The following ADGRL3 variants were observed in gnomAD, a reference collection of about 807,000 sequenced individuals.
ADGRL3 encodes calcium-independent alpha-latrotoxin receptor 3.
A neutral mutation model predicts 153.5 loss-of-function variants in ADGRL3; 62 were observed. The ratio of observed to expected loss-of-function variants is 0.40; its 90% confidence interval spans 0.33 to 0.50. The LOEUF (loss-of-function observed/expected upper bound fraction) is 0.50. ADGRL3 is among the 20% of genes least tolerant of loss of function. The pLI is 0.47. For missense variants in ADGRL3, 1,641 were observed against 1,859.4 expected (o/e 0.88, Z 2.16); for synonymous variants, 710 against 672.5 (o/e 1.06, Z -0.86).
chr4:61,231,092 A>G (rs1301895958), intron 1 of ADGRL3, among the ~76,000 whole-genome samples: 2 of 152,210 alleles, frequency 1.3e-5, no homozygotes, highest in African/African-American at 4.8e-5. Context: ...CTGAGGCGGA[A>G]GTCCAGTTTT....
At chr4:61,205,288 G>A (rs1240020122) in intron 1 of ADGRL3, among the ~76,000 whole-genome samples, 1 of 152,192 alleles carries the variant, frequency 6.6e-6, no homozygotes, top group Non-Finnish European at 1.5e-5. Context: ...ACTGTTAGAA[G>A]TGGGGAGTTT....
chr4:61,863,563 C>T (rs945603327), intron 9 of ADGRL3, among the ~76,000 whole-genome samples: 1 of 152,136 alleles, frequency 6.6e-6, no homozygotes, highest in Non-Finnish European at 1.5e-5. Flanking sequence ...TCACTCATTC[C>T]ATTCCACCTC....
At chr4:61,885,417 C>T (rs976822460) in intron 9 of ADGRL3, among the ~76,000 whole-genome samples, 1 of 152,110 alleles carries the variant, frequency 6.6e-6, no homozygotes, top group Non-Finnish European at 1.5e-5. Context: ...GAATTTGTAA[C>T]CTTTGGAGAA....
intron 2 of ADGRL3, among the ~76,000 whole-genome samples, chr4:61,423,540 G>A (rs1185497127): frequency 2.6e-5 from 4 of 152,210 alleles, no homozygotes; most frequent in Non-Finnish European, 4.4e-5. Context: ...GGTATAGGGA[G>A]AATCCATGAA....
rs939964108 is a variant in ADGRL3, at chr4:61,936,813, C to CACACACACAG, written c.2419+769_2419+770insCACACACAGA. Reference sequence around the variant, plus strand: ...ACACACACACACACACACACACACACAGAGATATATTTCTCTTTTGCCAAG... The same window carrying CACACACACAG: ...ACACACACACACACACACACACACACACACACACAGAGAGATATATTTCTCTTTTGCCAAG... On this transcript the variant is annotated intron_variant, in intron 15 of 26. Coordinates refer to ENST00000683033, the MANE Select transcript of ADGRL3 (RefSeq NM_001387552.1). Among the ~76,000 whole-genome samples, 26 of 150,860 alleles carry CACACACACAG rather than the reference C, an allele frequency of 1.7e-4. 1 individual carries two copies. In the East Asian group the frequency reaches 4.3e-3, roughly 25 times the overall value.
At chr4:61,788,766 G>A (rs1193465995) in intron 8 of ADGRL3, among the ~76,000 whole-genome samples, 1 of 152,166 alleles carries the variant, frequency 6.6e-6, no homozygotes, top group Admixed American at 6.6e-5. Context: ...AATGTAGACT[G>A]AGAGTGTATT....
Position 61,296,666 on chromosome 4 carries a change from G to A in ADGRL3, c.-239-86458G>A, listed in dbSNP as rs117674186. On this transcript the variant is annotated intron_variant, in intron 1 of 26. Coordinates refer to ENST00000683033, the MANE Select transcript of ADGRL3 (RefSeq NM_001387552.1). ...ACAGTGTTGTCAGAAAATGTAAATA[G>A]CAAAAGGCTTTACCTGAAACTTCAT... Among the ~76,000 whole-genome samples the A allele has an allele frequency of 2.6e-4, 40 of 152,154 alleles. No individual in the cohort carries two copies. In the East Asian group the frequency reaches 7.7e-3, roughly 29 times the overall value.
Position 61,497,151 on chromosome 4 carries a change from T to C in ADGRL3, c.-143T>C. ...AGATTTGGGATATTGGTGTTTCTGT[T>C]TTGGAGAAATTATTCTTTTTCTTTT... On this transcript the variant is annotated 5_prime_UTR_variant, in exon 3 of 27. Coordinates refer to ENST00000683033, the MANE Select transcript of ADGRL3 (RefSeq NM_001387552.1). 6.6e-6 allele frequency: 4 copies of C among 608,346 alleles called. No homozygotes were observed. The South Asian group carries it at 8.0e-5, about 12-fold the overall frequency. The allele number at this position is 608,346 out of a possible 1,614,324, so 37.7% of individuals were successfully genotyped here.
intron 1 of ADGRL3, among the ~76,000 whole-genome samples, chr4:61,369,394 GAT>G (rs1176168364): frequency 1.3e-5 from 2 of 152,106 alleles, no homozygotes; most frequent in Non-Finnish European, 2.9e-5. Context: ...ATTATTTTGA[GAT>G]ATGTCCCATC....
chr4:61,458,525 C>A (rs2097777665), intron 2 of ADGRL3, among the ~76,000 whole-genome samples: 1 of 151,158 alleles, frequency 6.6e-6, no homozygotes, highest in South Asian at 2.1e-4. Context: ...ATTCTTGGTT[C>A]CCATGATTTG....
chr4:61,701,724 G>T (rs1044267224), intron 6 of ADGRL3, among the ~76,000 whole-genome samples: 2 of 151,908 alleles, frequency 1.3e-5, no homozygotes, highest in South Asian at 2.1e-4. Flanking sequence ...GACATGAGCC[G>T]CTGCGCAGAA....
intron 6 of ADGRL3, among the ~76,000 whole-genome samples, chr4:61,688,214 A>G (rs1302174235): frequency 6.6e-6 from 1 of 152,158 alleles, no homozygotes; most frequent in Non-Finnish European, 1.5e-5. Flanking sequence ...TGGAGAAAAA[A>G]TAAGTGGCTG....
intron 1 of ADGRL3, among the ~76,000 whole-genome samples, chr4:61,228,195 A>C (rs550874316): frequency 6.6e-6 from 1 of 152,236 alleles, no homozygotes; most frequent in East Asian, 1.9e-4. Flanking sequence ...TTTAAAAAGT[A>C]ATGACAGAAT....
At chr4:61,441,272 C>T (rs1391892236) in intron 2 of ADGRL3, among the ~76,000 whole-genome samples, 1 of 152,052 alleles carries the variant, frequency 6.6e-6, no homozygotes. Context: ...ATATCATTTT[C>T]CCCTTAATTA....
intron 9 of ADGRL3, among the ~76,000 whole-genome samples, chr4:61,815,257 A>G (rs2097675356): frequency 6.6e-6 from 1 of 152,218 alleles, no homozygotes; most frequent in Non-Finnish European, 1.5e-5. Flanking sequence ...GCAGATTGTG[A>G]TGGATTCTGT....
intron 6 of ADGRL3, among the ~76,000 whole-genome samples, chr4:61,728,750 A>G (rs2096390386): frequency 1.3e-5 from 2 of 152,208 alleles, no homozygotes; most frequent in Non-Finnish European, 2.9e-5. Flanking sequence ...GACAAATGTC[A>G]ACTTTCATAT....
At chr4:61,614,461 A>AGCAATCACATCT (rs1350609669) in intron 5 of ADGRL3, among the ~76,000 whole-genome samples, 4 of 152,162 alleles carry the variant, frequency 2.6e-5, no homozygotes, top group Non-Finnish European at 5.9e-5. Flanking sequence ...GCAGGATGTG[A>AGCAATCACATCT]GCAATCAGTT....
At chr4:61,993,586 C>T (rs1198502420) in intron 19 of ADGRL3, among the ~76,000 whole-genome samples, 1 of 151,998 alleles carries the variant, frequency 6.6e-6, no homozygotes, top group East Asian at 1.9e-4. Flanking sequence ...GCCACATGCC[C>T]AGCCTCCTTC....
chr4:61,237,065 T>G (rs1753126807), intron 1 of ADGRL3, among the ~76,000 whole-genome samples: 1 of 152,148 alleles, frequency 6.6e-6, no homozygotes. Flanking sequence ...CAATTCATAT[T>G]TTTATATTTT....
Sources: allele counts gnomAD v4.1 joint callset (sites outside exome capture counted in the v4.1 genomes callset), GRCh38; gene constraint gnomAD v4.1.1; transcripts MANE v1.5; gene names NCBI Gene and HGNC (gene_info 2026-07-23, HGNC 2026-07-21).